Variants in IMMP2L observed in about 807,000 individuals in gnomAD.
IMMP2L encodes the protein mitochondrial inner membrane protease subunit 2.
A neutral mutation model predicts 19.3 loss-of-function variants in IMMP2L; 18 were observed. The ratio of observed to expected loss-of-function variants is 0.93; its 90% CI spans 0.64 to 1.38. The LOEUF is 1.38. Among genes scored for constraint, IMMP2L ranks in the 40% most tolerant of loss-of-function variants. The pLI is 0.00. For missense variants in IMMP2L, 233 were observed against 218.2 expected (o/e 1.07, Z -0.43); for synonymous variants, 76 against 73.0 (o/e 1.04, Z -0.21).
chr7:111,421,508 G>A (rs1835547542), intron 3 of IMMP2L, among the ~76,000 whole-genome samples: 1 of 151,338 alleles, frequency 6.6e-6, no homozygotes, highest in South Asian at 2.1e-4. Flanking sequence ...TCCTGACCTT[G>A]ATCCACCCGC....
Position 110,697,528 on chromosome 7 carries a change from T to C in IMMP2L, c.409-33807A>G, listed in dbSNP as rs369124909. Among the ~76,000 whole-genome samples the C allele has an allele frequency of 1.3e-5, 2 of 152,138 alleles. 1 individual carries two copies. The highest frequency in any genetic ancestry group is 4.1e-4 in the South Asian group (2 of 4,830). On this transcript the variant is annotated intron_variant, in intron 5 of 5. Coordinates refer to ENST00000405709, the MANE Select transcript of IMMP2L (RefSeq NM_032549.4). ...GACCACAGAAAGAATTCTTGGCTTGTCATGGTGGCACACGCCTGTTATCCC... is the reference window on the plus strand; with the variant it reads ...GACCACAGAAAGAATTCTTGGCTTGCCATGGTGGCACACGCCTGTTATCCC...
At chr7:110,862,113 C>T (rs540004376) in intron 5 of IMMP2L, among the ~76,000 whole-genome samples, 1 of 152,106 alleles carries the variant, frequency 6.6e-6, no homozygotes, top group East Asian at 1.9e-4. Context: ...GGATAAGCAA[C>T]ACATATTACA....
intron 3 of IMMP2L, among the ~76,000 whole-genome samples, chr7:111,000,316 T>C (rs573802472): frequency 1.3e-5 from 2 of 152,278 alleles, no homozygotes; most frequent in African/African-American, 4.8e-5. Context: ...ATTCCAAGTA[T>C]ACTATCTCTA....
intron 3 of IMMP2L, among the ~76,000 whole-genome samples, chr7:111,147,407 G>C (rs943646263): frequency 1.3e-5 from 2 of 152,088 alleles, no homozygotes; most frequent in East Asian, 1.9e-4. Context: ...TCCAAAATGA[G>C]AGCATTGACT....
chr7:111,391,010 T>G (rs1218818823), intron 3 of IMMP2L, among the ~76,000 whole-genome samples: 1 of 152,158 alleles, frequency 6.6e-6, no homozygotes, highest in East Asian at 1.9e-4. Flanking sequence ...ACACCTTACC[T>G]TACAAATTTG....
intron 5 of IMMP2L, among the ~76,000 whole-genome samples, chr7:110,664,490 T>C (rs1471988506): frequency 6.6e-6 from 1 of 152,032 alleles, no homozygotes; most frequent in Admixed American, 6.6e-5. Flanking sequence ...TTGGCGAGGA[T>C]GGAAGAGGAG....
At chr7:110,756,900 C>G (rs1223608204) in intron 5 of IMMP2L, among the ~76,000 whole-genome samples, 1 of 152,018 alleles carries the variant, frequency 6.6e-6, no homozygotes, top group Non-Finnish European at 1.5e-5. Context: ...AGGGTTTGAT[C>G]TCTTCCTGTA....
chr7:111,377,920 T>A (rs1830834427), intron 3 of IMMP2L, among the ~76,000 whole-genome samples: 1 of 151,946 alleles, frequency 6.6e-6, no homozygotes, highest in South Asian at 2.1e-4. Context: ...GATTTTAGCA[T>A]CCTTCCATTA....
intron 2 of IMMP2L, among the ~76,000 whole-genome samples, chr7:111,490,097 C>CTT (rs80065502): frequency 2.3e-4 from 29 of 127,838 alleles, no homozygotes; most frequent in African/African-American, 3.8e-4. Flanking sequence ...CGCCTGCCCT[C>CTT]TTTTTTTTTT....
intron 3 of IMMP2L, among the ~76,000 whole-genome samples, chr7:111,026,902 CA>C (rs1324232535): frequency 2.0e-5 from 3 of 151,900 alleles, no homozygotes; most frequent in Non-Finnish European, 4.4e-5. Flanking sequence ...CTGTGTAAGT[CA>C]GAGATGCCTC....
chr7:111,432,785 G>A lies in IMMP2L; in HGVS notation c.239+54453C>T, dbSNP rs531455539. On this transcript the variant is annotated intron_variant, in intron 3 of 5. Coordinates refer to ENST00000405709, the MANE Select transcript of IMMP2L (RefSeq NM_032549.4). ...GCCTCTTCACTGATGATAAGATCTA[G>A]TATCTAGAGAACCCTAAAGATTCCA... is the stretch of plus-strand genomic sequence containing the variant. Among the ~76,000 whole-genome samples the A allele has an allele frequency of 4.0e-5, 6 of 151,334 alleles. No homozygotes were observed. The South Asian group carries it at 8.3e-4, about 21-fold the overall frequency.
chr7:111,111,876 G>T (rs1316243923), intron 3 of IMMP2L, among the ~76,000 whole-genome samples: 3 of 149,270 alleles, frequency 2.0e-5, no homozygotes, highest in Non-Finnish European at 4.4e-5. Flanking sequence ...AGTTAAGTTA[G>T]GTGACAGGAA....
chr7:111,243,115 A>T (rs542678218), intron 3 of IMMP2L, among the ~76,000 whole-genome samples: 2 of 152,282 alleles, frequency 1.3e-5, no homozygotes, highest in South Asian at 4.1e-4. Context: ...CCAACTAAAG[A>T]GTAGTTGTTT....
chr7:110,968,430 T>C (rs1819787395), intron 3 of IMMP2L, among the ~76,000 whole-genome samples: 1 of 152,036 alleles, frequency 6.6e-6, no homozygotes, highest in African/African-American at 2.4e-5. Context: ...CCCAGCAGTT[T>C]GGAAGTATGA....
At chr7:110,845,787 T>TGATTATATCAGGA (rs145303670) in intron 5 of IMMP2L, among the ~76,000 whole-genome samples, 8,124 of 152,176 alleles carry the variant, frequency 0.053, 704 homozygotes, top group African/African-American at 0.18. Flanking sequence ...AGCACCAATG[T>TGATTATATCAGGA]GATGAGGTAT....
chr7:111,529,432 A>G (rs1293371792), intron 1 of IMMP2L, among the ~76,000 whole-genome samples: 6 of 152,218 alleles, frequency 3.9e-5, no homozygotes, highest in Admixed American at 1.3e-4. Flanking sequence ...CTTTCACATT[A>G]TAAGTAAACA....
chr7:111,342,870 T>C (rs1206429771), intron 3 of IMMP2L, among the ~76,000 whole-genome samples: 1 of 152,004 alleles, frequency 6.6e-6, no homozygotes, highest in African/African-American at 2.4e-5. Context: ...TCTTTAAAAT[T>C]TAACACCCTT....
intron 3 of IMMP2L, among the ~76,000 whole-genome samples, chr7:111,287,579 T>A (rs1820631704): frequency 6.6e-6 from 1 of 152,084 alleles, no homozygotes; most frequent in African/African-American, 2.4e-5. Flanking sequence ...CAAAATATAC[T>A]TTAAATTGGC....
At chr7:111,385,882 G>A (rs73203013) in intron 3 of IMMP2L, among the ~76,000 whole-genome samples, 10,578 of 151,952 alleles carry the variant, frequency 0.07, 516 homozygotes, top group Middle Eastern at 0.11. Context: ...AGTAAGGCGG[G>A]GTGAAGGAAT....
Sources: allele counts gnomAD v4.1 joint callset (sites outside exome capture counted in the v4.1 genomes callset), GRCh38; gene constraint gnomAD v4.1.1; transcripts MANE v1.5; gene names NCBI Gene and HGNC (gene_info 2026-07-23, HGNC 2026-07-21).